The following NOX5 variants were observed in gnomAD, a reference collection of about 807,000 sequenced individuals.
NOX5 encodes NADPH oxidase, EF-hand calcium binding domain 5.
In NOX5, 76 loss-of-function variants were observed where a neutral mutation model predicts 85.7. That is an observed-to-expected ratio of 0.89 (90% CI 0.74 to 1.07). The LOEUF (loss-of-function observed/expected upper bound fraction) is 1.07. Among genes scored for constraint, NOX5 ranks in the 50% least tolerant of loss-of-function variants. The pLI is 0.00. For synonymous variants in NOX5, 405 were observed against 401.4 expected (o/e 1.01, Z -0.11); for missense variants, 973 against 999.5 (o/e 0.97, Z 0.36).
At chr15:69,031,497 G>A in intron 3 of NOX5, 21 bp from the exon 4 acceptor site, 1 of 1,588,454 alleles carries the variant, frequency 6.3e-7, no homozygotes, top group Non-Finnish European at 8.6e-7. Context: ...GTAAACAGAA[G>A]AGGCCCACCA....
chr15:69,035,357 C>T lies in NOX5; in HGVS notation c.859C>T (p.Leu287=), dbSNP rs765545962. ...CTCTCCCACTCTGCCTGGCCAGGTG[C>T]TGATGCTCAGACGCTGCCTCACCTG... The part of the protein sequence containing the change: ...LNFDCSFIAV[L]MLRRCLTWLR... The change falls in exon 6 of 16, where the codon CTG becomes TTG. Residue 287 remains leucine (L), a synonymous_variant. Coordinates refer to ENST00000388866, the MANE Select transcript of NOX5 (RefSeq NM_024505.4). 32 of 1,613,742 alleles carry T rather than the reference C, an allele frequency of 2.0e-5. No individual in the cohort carries two copies. In the East Asian group the frequency reaches 7.1e-4, roughly 36 times the overall value.
chr15:69,031,818 G>A lies in NOX5; in HGVS notation c.620+6G>A, dbSNP rs2050438619. On this transcript the variant is annotated splice_donor_region_variant and intron_variant, in intron 4 of 15. Transcript: ENST00000388866. ...ATGGAGAACCTGACCATCAGGTACG[G>A]CCGGGTCTCGGGCATTGGCACTGTC... The A allele has an allele frequency of 1.9e-6, 3 of 1,590,842 alleles. No homozygotes were observed. The African/African-American group carries it at 4.0e-5, about 21-fold the overall frequency.
rs1391558953 is a variant in NOX5, at chr15:69,059,676, A to G, written c.*2980A>G. The stretch of plus-strand genomic sequence containing the variant: ...GCAGCAGGACCACACATGTGAGTGT[A>G]CAGCACGCATGGTCTGACCATCTGG... On this transcript the variant is annotated 3_prime_UTR_variant, in exon 16 of 16. Coordinates refer to ENST00000388866, the MANE Select transcript of NOX5 (RefSeq NM_024505.4). The G allele has an allele frequency of 1.3e-5, 2 of 152,220 alleles. No individual in the cohort carries two copies. The highest frequency in any genetic ancestry group is 2.9e-5 in the Non-Finnish European group (2 of 68,052). The allele number at this position is 152,220 out of a possible 1,614,324, so 9.4% of individuals were successfully genotyped here. A position where few individuals can be genotyped will look rare whatever the true frequency, so the allele number is the denominator to read the frequency against.
chr15:69,036,427 C>T lies in NOX5; in HGVS notation c.1188+491C>T, dbSNP rs184151359. Reference sequence around the variant, plus strand: ...AGTTCCATCTTTGCTTCTGTCTCTCCAGCCTCCTCAAGATGCAGAAAGTCA... The same window carrying T: ...AGTTCCATCTTTGCTTCTGTCTCTCTAGCCTCCTCAAGATGCAGAAAGTCA... On this transcript the variant is annotated intron_variant, in intron 7 of 15. Coordinates refer to ENST00000388866, the MANE Select transcript of NOX5 (RefSeq NM_024505.4). Among the ~76,000 whole-genome samples the T allele has an allele frequency of 2.8e-3, 429 of 152,322 alleles. 1 individual carries two copies. The highest frequency in any genetic ancestry group is 4.5e-3 in the Non-Finnish European group (307 of 68,028).
At chr15:69,042,858 C>T (rs1480335209) in intron 10 of NOX5, 53 bp downstream of exon 10, 1 of 1,571,512 alleles carries the variant, frequency 6.4e-7, no homozygotes, top group Non-Finnish European at 8.6e-7. Context: ...TCCACAGAGA[C>T]CAAGTTGCCT....
Position 69,059,485 on chromosome 15 carries a change from C to T in NOX5, c.*2789C>T, listed in dbSNP as rs1381407050. On this transcript the variant is annotated 3_prime_UTR_variant, in exon 16 of 16. Coordinates refer to ENST00000388866, the MANE Select transcript of NOX5 (RefSeq NM_024505.4). Reference sequence around the variant, plus strand: ...CAGCTTCTCACTGCCGCTGCCTTCCCCCAGAAACTCTACCCTCCCCATACC... The same window carrying T: ...CAGCTTCTCACTGCCGCTGCCTTCCTCCAGAAACTCTACCCTCCCCATACC... 6.6e-6 allele frequency: 1 copy of T among 152,182 alleles called. No homozygotes were observed. Among genetic ancestry groups the T allele is most frequent in the African/African-American group, 2.4e-5 (1 of 41,420 alleles). 9.4% of individuals were successfully genotyped at this position (152,182 alleles called of 1,614,324 possible).
chr15:69,015,309 G>A (rs2050218038), intron 1 of NOX5, among the ~76,000 whole-genome samples: 3 of 152,112 alleles, frequency 2.0e-5, no homozygotes, highest in African/African-American at 7.2e-5. Context: ...GGCTGTCCCA[G>A]TCTCTTCTCA....
chr15:69,026,690 T>G (rs2050362676), intron 2 of NOX5, 39 bp downstream of exon 2: 1 of 1,612,806 alleles, frequency 6.2e-7, no homozygotes, highest in Non-Finnish European at 8.5e-7. Context: ...GCATTTATCG[T>G]TATGTGGCCT....
chr15:69,056,971 G>T lies in NOX5; in HGVS notation c.*275G>T, dbSNP rs2050820634. 1 of 288,996 alleles carries T rather than the reference G, an allele frequency of 3.5e-6. No individual in the cohort carries two copies. Among genetic ancestry groups the T allele is most frequent in the Non-Finnish European group, 6.4e-6 (1 of 156,328 alleles). 17.9% of individuals were successfully genotyped at this position (288,996 alleles called of 1,614,324 possible). ...AACCAGAGGCTGGTCACGGGAGCTTGGGGGTGGGGTTCGAGGGGGCAGAGG... is the reference window on the plus strand; with the variant it reads ...AACCAGAGGCTGGTCACGGGAGCTTTGGGGTGGGGTTCGAGGGGGCAGAGG... On this transcript the variant is annotated 3_prime_UTR_variant, in exon 16 of 16. Transcript: ENST00000388866.
At chr15:69,044,339 T>G (rs1407206154) in intron 10 of NOX5, among the ~76,000 whole-genome samples, 1 of 152,238 alleles carries the variant, frequency 6.6e-6, no homozygotes, top group Non-Finnish European at 1.5e-5. Flanking sequence ...TAGTCACTGC[T>G]TACCTTCTGG....
chr15:69,019,737 A>G (rs1220946419), intron 1 of NOX5, among the ~76,000 whole-genome samples: 1 of 152,212 alleles, frequency 6.6e-6, no homozygotes, highest in African/African-American at 2.4e-5. Flanking sequence ...TTGAATGGCA[A>G]TCTAGTACAC....
At chr15:69,032,930 C>A in intron 4 of NOX5, 113 bp from the exon 5 acceptor site, 1 of 1,410,660 alleles carries the variant, frequency 7.1e-7, no homozygotes. Context: ...GTGAAGAAAG[C>A]CGGCCTGCTT....
At chr15:69,014,929 G>A in intron 1 of NOX5, 144 bp downstream of exon 1, 1 of 658,436 alleles carries the variant, frequency 1.5e-6, no homozygotes, top group Non-Finnish European at 2.7e-6. Flanking sequence ...CTTGCTACTA[G>A]CAAGCTGGGC....
chr15:69,025,759 A>G lies in NOX5; in HGVS notation c.51-769A>G, dbSNP rs558896772. Reference sequence around the variant, plus strand: ...CTGTAACTCCTCACTCACTGCCTCAATTTTGGTTTCCTGGGTCCTAATGCT... The same window carrying G: ...CTGTAACTCCTCACTCACTGCCTCAGTTTTGGTTTCCTGGGTCCTAATGCT... On this transcript the variant is annotated intron_variant, in intron 1 of 15. Coordinates refer to ENST00000388866, the MANE Select transcript of NOX5 (RefSeq NM_024505.4). Among the ~76,000 whole-genome samples, 7 of 152,246 alleles carry G rather than the reference A, an allele frequency of 4.6e-5. 1 individual carries two copies. The highest frequency in any genetic ancestry group is 1.4e-4 in the African/African-American group (6 of 41,546).
Position 69,033,179 on chromosome 15 carries a change from T to C in NOX5, c.757T>C (p.Phe253Leu). The stretch of plus-strand genomic sequence containing the variant: ...CTATGCAGGCCTCCACGTGCTGCTC[T>C]TCGGGCTGGCGGCCAGCGCGCACCG... ...ATYAGLHVLL[F>L]GLAASAHRDL... Residue 253 changes from phenylalanine (F) to leucine (L), a missense_variant, in exon 5 of 16, where the codon TTC (phenylalanine) becomes CTC (leucine). Transcript: ENST00000388866. 6.3e-7 allele frequency: 1 copy of C among 1,589,808 alleles called. No individual in the cohort carries two copies. The highest frequency in any genetic ancestry group is 8.5e-7 in the Non-Finnish European group (1 of 1,175,386).
intron 1 of NOX5, among the ~76,000 whole-genome samples, chr15:69,018,662 G>A (rs1427718003): frequency 6.6e-6 from 1 of 151,966 alleles, no homozygotes; most frequent in Non-Finnish European, 1.5e-5. Context: ...GGTGTGTTCT[G>A]GGATGAGGTT....
chr15:69,052,585 A>G (rs1048635023), intron 14 of NOX5, among the ~76,000 whole-genome samples: 3 of 152,258 alleles, frequency 2.0e-5, no homozygotes, highest in African/African-American at 7.2e-5. Context: ...AATTATCACA[A>G]GGTTGTCATG....
Position 69,026,591 on chromosome 15 carries a change from T to G in NOX5, c.114T>G (p.Ile38Met). The G allele has an allele frequency of 6.2e-7, 1 of 1,614,160 alleles. No individual in the cohort carries two copies. The highest frequency in any genetic ancestry group is 2.2e-5 in the East Asian group (1 of 44,880). ...LRWVTQQFKTIAGEDGEISLQ... is the reference protein window; with the variant it reads ...LRWVTQQFKTMAGEDGEISLQ... The stretch of plus-strand genomic sequence containing the variant: ...GGGTGACTCAGCAGTTTAAGACCAT[T>G]GCAGGAGAAGATGGGGAGATCAGCC... Residue 38 changes from isoleucine to methionine, a missense_variant, in exon 2 of 16, where the codon ATT (isoleucine) becomes ATG (methionine). Transcript: ENST00000388866.
At chr15:69,047,751 C>A in intron 12 of NOX5, 79 bp from the exon 13 acceptor site, 1 of 1,497,688 alleles carries the variant, frequency 6.7e-7, no homozygotes, top group South Asian at 1.2e-5. Flanking sequence ...ATCCTTGCTC[C>A]CTGTCCCCTG....
Sources: gnomAD v4.1 joint callset for allele counts (sites outside exome capture counted in the v4.1 genomes callset) on GRCh38, gnomAD v4.1.1 for gene constraint, MANE v1.5 for transcripts, NCBI Gene and HGNC (gene_info 2026-07-23, HGNC 2026-07-21) for gene names.